CYP3A5: variants seen among roughly 807,000 people sequenced by gnomAD.
CYP3A5 encodes cytochrome P450 3A5.
A neutral mutation model predicts 55.9 loss-of-function variants in CYP3A5; 51 were observed. That is an observed-to-expected ratio of 0.91 (90% CI 0.73 to 1.15). CYP3A5 has a LOEUF of 1.15. CYP3A5 is among the 50% of genes most tolerant of loss of function. The pLI, the probability that CYP3A5 is intolerant of heterozygous loss-of-function variation, is 0.00. For missense variants in CYP3A5, 533 were observed against 596.6 expected, an observed-to-expected ratio of 0.89 and a Z score of 1.11; for synonymous variants, 196 against 213.9, an observed-to-expected ratio of 0.92 and a Z score of 0.73.
intron 1 of CYP3A5, 48 bp downstream of exon 1, chr7:99,679,778 C>T: frequency 6.3e-7 from 1 of 1,576,004 alleles, no homozygotes; most frequent in Non-Finnish European, 8.7e-7. Context: ...GCCCGATTAG[C>T]ACCCCAAGTC....
In CYP3A5 at chr7:99,652,748, A is replaced by G; in HGVS notation, c.1058T>C (p.Met353Thr). ...ATTCACCACCATGTCAAGGTACTCC[A>G]TCTGTACCACGGCATCATAGGTAGG... Reference protein sequence around the residue: ...APPTYDAVVQMEYLDMVVNET... With the variant: ...APPTYDAVVQTEYLDMVVNET... Residue 353 changes from methionine to threonine, a missense_variant, in exon 11 of 13, where the codon ATG becomes ACG. Physicochemically the swap from Met to Thr is moderately conservative, Grantham distance 81. Coordinates refer to ENST00000222982, the MANE Select transcript of CYP3A5 (RefSeq NM_000777.5). The G allele has an allele frequency of 6.2e-7, 1 of 1,613,998 alleles. No homozygotes were observed. Among genetic ancestry groups the G allele is most frequent in the Non-Finnish European group, 8.5e-7 (1 of 1,179,978 alleles).
Position 99,667,021 on chromosome 7 carries a change from A to G in CYP3A5, c.363T>C (p.Ala121=). Residue 121 remains alanine, a synonymous_variant, in exon 5 of 13, where the codon GCT becomes GCC. Coordinates refer to ENST00000222982, the MANE Select transcript of CYP3A5 (RefSeq NM_000777.5). ...VGFMKSAISL[A]EDEEWKRIRS... ...GTATTCTCTTCCATTCTTCATCCTCAGCTAAAGAGATGGCACTTTTCATAA... is the reference window on the plus strand; with the variant it reads ...GTATTCTCTTCCATTCTTCATCCTCGGCTAAAGAGATGGCACTTTTCATAA... The G allele has an allele frequency of 6.2e-7, 1 of 1,614,160 alleles. No homozygotes were observed. The highest frequency in any genetic ancestry group is 2.2e-5 in the East Asian group (1 of 44,886).
At chr7:99,650,546 T>C (rs1809071235) in intron 11 of CYP3A5, among the ~76,000 whole-genome samples, 1 of 152,212 alleles carries the variant, frequency 6.6e-6, no homozygotes, top group Non-Finnish European at 1.5e-5. Flanking sequence ...AAAAGGCACA[T>C]AAATGATAAG....
intron 10 of CYP3A5, among the ~76,000 whole-genome samples, chr7:99,656,781 G>A (rs563674987): frequency 3.3e-5 from 5 of 152,290 alleles, no homozygotes; most frequent in African/African-American, 9.6e-5. Context: ...TCTATTCAGA[G>A]TTTCAACTTC....
chr7:99,662,258 A>G lies in CYP3A5; in HGVS notation c.865+558T>C, dbSNP rs1251313997. 6.6e-6 allele frequency among the ~76,000 whole-genome samples: 1 copy of G among 152,252 alleles called. No individual in the cohort carries two copies. Among genetic ancestry groups the G allele is most frequent in the Non-Finnish European group, 1.5e-5 (1 of 68,042 alleles). On this transcript the variant is annotated intron_variant, in intron 9 of 12. Coordinates refer to ENST00000222982, the MANE Select transcript of CYP3A5 (RefSeq NM_000777.5). This position sits in a 1 kb window ranked among gnomAD's most constrained non-coding sequence, Gnocchi z 4.3. ...ATGGTTATCATTTTGCCACTGTCTT[A>G]GTAATAATGGTTTTGGTTAAAACCA... is the stretch of plus-strand genomic sequence containing the variant.
In CYP3A5 at chr7:99,660,485, G is replaced by A; in HGVS notation, c.1026+14C>T. 2 of 1,600,810 alleles carry A rather than the reference G, an allele frequency of 1.2e-6. No homozygotes were observed. The highest frequency in any genetic ancestry group is 1.1e-5 in the South Asian group (1 of 89,184). On this transcript the variant is annotated intron_variant, in intron 10 of 12. Coordinates refer to ENST00000222982, the MANE Select transcript of CYP3A5 (RefSeq NM_000777.5). ...TTCACCTCTTCCCTTCATCTCCAGG[G>A]GTCATCCCCTCACCTTATTGGGCAA...
At position 99,660,214 on chromosome 7, in the gene CYP3A5, C is replaced by CTT. The variant is rs34318418; in HGVS notation, c.1026+283_1026+284dup. 4.4e-4 allele frequency: 189 copies of CTT among 429,906 alleles called. 7 individuals carry two copies. In the African/African-American group the frequency reaches 4.4e-3, roughly 10 times the overall value. The allele number at this position is 429,906 out of a possible 1,614,324, so 26.6% of individuals were successfully genotyped here. A position where few individuals can be genotyped will look rare whatever the true frequency, so the allele number is the denominator to read the frequency against. On this transcript the variant is annotated intron_variant, in intron 10 of 12. Coordinates refer to ENST00000222982, the MANE Select transcript of CYP3A5 (RefSeq NM_000777.5). ...GTTTGGCCATCTTCTCGCCACACTCCTTTTTTTTTTTTTTTTTTTTTTTTT... is the reference window on the plus strand; with the variant it reads ...GTTTGGCCATCTTCTCGCCACACTCCTTTTTTTTTTTTTTTTTTTTTTTTTTT...
intron 4 of CYP3A5, among the ~76,000 whole-genome samples, chr7:99,669,638 T>C (rs1004641634): frequency 2.6e-5 from 4 of 152,178 alleles, no homozygotes; most frequent in Non-Finnish European, 5.9e-5. Context: ...TTTTATGCTT[T>C]GGTGATGGAT....
chr7:99,674,278 T>C (rs1168416103), intron 3 of CYP3A5: 2 of 356,146 alleles, frequency 5.6e-6, no homozygotes, highest in East Asian at 4.4e-5. Flanking sequence ...TATGAGATTC[T>C]TCTCATATTT....
At chr7:99,669,778 TA>T (rs1259963963) in intron 4 of CYP3A5, among the ~76,000 whole-genome samples, 6 of 152,208 alleles carry the variant, frequency 3.9e-5, no homozygotes, top group African/African-American at 1.2e-4. Flanking sequence ...TCAAGAGATT[TA>T]TATGAAGCAG....
At chr7:99,648,508 A>AC in intron 12 of CYP3A5, 108 bp from the exon 13 acceptor site, 2 of 445,126 alleles carry the variant, frequency 4.5e-6, no homozygotes, top group Non-Finnish European at 8.3e-6. Flanking sequence ...AGCATATAAA[A>AC]ACGACTCTTA....
chr7:99,667,379 A>G (rs1173408883), intron 4 of CYP3A5, among the ~76,000 whole-genome samples: 1 of 152,172 alleles, frequency 6.6e-6, no homozygotes. Context: ...CAGGAACAAG[A>G]CCTAGCCCTT....
intron 12 of CYP3A5, among the ~76,000 whole-genome samples, chr7:99,649,309 T>A (rs531064080): frequency 3.9e-5 from 6 of 152,240 alleles, no homozygotes; most frequent in African/African-American, 1.2e-4. Flanking sequence ...GCACAAAGTG[T>A]ACTTAAGGGG....
intron 4 of CYP3A5, chr7:99,671,867 C>A: frequency 2.8e-6 from 2 of 702,768 alleles, no homozygotes; most frequent in Non-Finnish European, 2.6e-6. Context: ...TGGTGCTGGT[C>A]GTTGCACAAA....
chr7:99,664,949 G>A (rs2040992), intron 7 of CYP3A5, among the ~76,000 whole-genome samples: 150,851 of 152,312 alleles, frequency 0.99, 74,701 homozygotes, highest in Middle Eastern at 1. Context: ...GCTTAGGGCA[G>A]TGGGGTTTGT....
rs746268225 is a variant in CYP3A5, at chr7:99,652,723, A to G, written c.1083T>C (p.Asn361=). ...VQMEYLDMVV[N]ETLRLFPVAI... is the part of the protein sequence containing the mutation. The stretch of plus-strand genomic sequence containing the variant: ...CAACTGGGAATAATCTGAGTGTTTC[A>G]TTCACCACCATGTCAAGGTACTCCA... The change falls in exon 11 of 13, where the codon AAT becomes AAC. Residue 361 remains asparagine, a synonymous_variant. Coordinates refer to ENST00000222982, the MANE Select transcript of CYP3A5 (RefSeq NM_000777.5). The G allele has an allele frequency of 5.6e-6, 9 of 1,614,154 alleles. No homozygotes were observed. Among genetic ancestry groups the G allele is most frequent in the Middle Eastern group, 1.6e-4 (1 of 6,062 alleles).
intron 8 of CYP3A5, chr7:99,663,722 C>T: frequency 9.0e-7 from 1 of 1,109,576 alleles, no homozygotes; most frequent in Non-Finnish European, 1.1e-6. Flanking sequence ...AATTTTATCT[C>T]AATACTGTTT....
intron 1 of CYP3A5, among the ~76,000 whole-genome samples, chr7:99,678,539 T>C (rs1774603933): frequency 6.6e-6 from 1 of 152,198 alleles, no homozygotes; most frequent in Non-Finnish European, 1.5e-5. Flanking sequence ...ATTTGTGCAT[T>C]AGACTCATAT....
intron 10 of CYP3A5, among the ~76,000 whole-genome samples, chr7:99,655,646 C>T (rs1029770221): frequency 2.0e-5 from 3 of 152,174 alleles, no homozygotes; most frequent in African/African-American, 4.8e-5. Context: ...GGCGATGGCA[C>T]TGAATCTATA....
Sources: allele counts gnomAD v4.1 joint callset (sites outside exome capture counted in the v4.1 genomes callset), GRCh38; gene constraint gnomAD v4.1.1; non-coding constraint Gnocchi (gnomAD v3.1); transcripts MANE v1.5; gene names NCBI Gene and HGNC (gene_info 2026-07-23, HGNC 2026-07-21).